RAB40C: variants seen among roughly 807,000 people sequenced by gnomAD.
RAB40C encodes the protein RAB40C, member RAS oncogene family.
A neutral mutation model predicts 28.1 loss-of-function variants in RAB40C; 8 were observed. The observed-to-expected ratio is 0.28, with a 90% CI of 0.17 to 0.51. RAB40C has a LOEUF of 0.51. RAB40C is among the 20% of genes least tolerant of loss of function. The pLI is 0.97. For synonymous variants in RAB40C, 201 were observed against 171.7 expected (o/e 1.17, Z -1.34); for missense variants, 288 against 405.9 (o/e 0.71, Z 2.50).
At chr16:624,231 G>A (rs2036780555) in intron 3 of RAB40C, 2 of 985,402 alleles carry the variant, frequency 2.0e-6, no homozygotes, top group Admixed American at 6.1e-5. Context: ...GGGAGAGTGG[G>A]CTGTGTTGTA....
At position 628,034 on chromosome 16, in the gene RAB40C, C is replaced by T. The variant is rs934927015; in HGVS notation, c.*412C>T. 4.6e-5 allele frequency: 8 copies of T among 174,080 alleles called. No homozygotes were observed. The highest frequency in any genetic ancestry group is 1.2e-4 in the Admixed American group (2 of 16,082). 10.8% of individuals were successfully genotyped at this position (174,080 alleles called of 1,614,324 possible). On this transcript the variant is annotated 3_prime_UTR_variant, in exon 6 of 6. Coordinates refer to ENST00000248139, the MANE Select transcript of RAB40C (RefSeq NM_021168.5). ...TTCATGGCCACGCCAGCTGCGGGGA[C>T]GCACTTGGGACTCCTCGAGAGGGGA...
intron 5 of RAB40C, among the ~76,000 whole-genome samples, chr16:626,878 C>T (rs2036848231): frequency 6.6e-6 from 1 of 152,226 alleles, no homozygotes; most frequent in South Asian, 2.1e-4. Flanking sequence ...GCGGAGGTTG[C>T]AGTGAGCGGA....
intron 1 of RAB40C, among the ~76,000 whole-genome samples, chr16:604,064 T>TC (rs2036308484): frequency 6.6e-6 from 1 of 150,422 alleles, no homozygotes; most frequent in African/African-American, 2.4e-5. Context: ...TCTTTTTCTT[T>TC]TTTTTTTTTT....
intron 3 of RAB40C, chr16:624,758 T>C: frequency 1.0e-6 from 1 of 985,430 alleles, no homozygotes; most frequent in Non-Finnish European, 1.2e-6. Context: ...GGAATGGGCC[T>C]GTGATGTCAC....
In RAB40C at chr16:618,251, G is replaced by A; in HGVS notation, c.255G>A (p.Arg85=). ...GCACCATCTTCAGGTCCTACTCCAG[G>A]GGCGCTCAGGTAAGACCAGCACCGC... is the stretch of plus-strand genomic sequence containing the variant. ...RFCTIFRSYS[R]GAQGILLVYD... Residue 85 remains arginine, a synonymous_variant, in exon 3 of 6, where the codon AGG becomes AGA. Transcript: ENST00000248139. 1 of 1,613,340 alleles carries A rather than the reference G, an allele frequency of 6.2e-7. No individual in the cohort carries two copies. Among genetic ancestry groups the A allele is most frequent in the Non-Finnish European group, 8.5e-7 (1 of 1,179,794 alleles).
intron 1 of RAB40C, among the ~76,000 whole-genome samples, chr16:616,381 C>T (rs1009962651): frequency 1.7e-4 from 21 of 122,842 alleles, no homozygotes; most frequent in South Asian, 8.3e-4. Context: ...TACTGTCACC[C>T]AGGCAGGAGT....
chr16:618,177 C>T, intron 2 of RAB40C, 23 bp from the exon 3 acceptor site: 1 of 1,609,570 alleles, frequency 6.2e-7, no homozygotes, highest in Non-Finnish European at 8.5e-7. Context: ...AGTCCCGGCC[C>T]CTCCCCTCCC....
At chr16:618,734 G>T (rs370219696) in intron 3 of RAB40C, among the ~76,000 whole-genome samples, 1,959 of 121,624 alleles carry the variant, frequency 0.016, no homozygotes, top group East Asian at 0.027. Flanking sequence ...GTGCAGGCAT[G>T]TGCACAGGTC....
chr16:589,834 C>T (rs1273184719), upstream of RAB40C: 1 of 151,954 alleles, frequency 6.6e-6, no homozygotes, highest in Non-Finnish European at 1.5e-5. Context: ...GAGGGGCGGT[C>T]ATGACAGACG....
At chr16:594,677 A>C (rs1005217273) in intron 1 of RAB40C, among the ~76,000 whole-genome samples, 1 of 151,814 alleles carries the variant, frequency 6.6e-6, no homozygotes, top group Non-Finnish European at 1.5e-5. Context: ...GTTTCGTGGG[A>C]GGTTCTAGCT....
chr16:591,256 T>C (rs538405808), intron 1 of RAB40C, among the ~76,000 whole-genome samples: 184 of 130,342 alleles, frequency 1.4e-3, no homozygotes, highest in Admixed American at 8.1e-3. Flanking sequence ...ATCTGGGGTC[T>C]GAGGGAAGGT....
At chr16:624,882 C>G in intron 3 of RAB40C, 1 of 985,472 alleles carries the variant, frequency 1.0e-6, no homozygotes, top group Non-Finnish European at 1.2e-6. Context: ...CAGAGCTGAG[C>G]TCCAAGTAAT....
At chr16:598,386 A>T (rs1480405728) in intron 1 of RAB40C, among the ~76,000 whole-genome samples, 1 of 151,058 alleles carries the variant, frequency 6.6e-6, no homozygotes, top group Non-Finnish European at 1.5e-5. Flanking sequence ...CAAAAAAAAA[A>T]AAAAATACAA....
intron 3 of RAB40C, chr16:625,018 C>G (rs1456528935): frequency 6.2e-6 from 8 of 1,290,840 alleles, no homozygotes; most frequent in Non-Finnish European, 5.1e-6. Context: ...TTGGAAAACT[C>G]AGAAATGCCC....
At chr16:627,279 G>T (rs2036857628) in intron 5 of RAB40C, 63 bp from the exon 6 acceptor site, 2 of 1,509,654 alleles carry the variant, frequency 1.3e-6, no homozygotes, top group East Asian at 4.5e-5. Flanking sequence ...GGCACCTCAG[G>T]TCTCCCTGCA....
intron 1 of RAB40C, among the ~76,000 whole-genome samples, chr16:596,695 A>AAGGC (rs2036132694): frequency 6.6e-6 from 1 of 152,134 alleles, no homozygotes; most frequent in Non-Finnish European, 1.5e-5. Context: ...AGAAGTTACG[A>AAGGC]AGGCGGTGGG....
rs1476092881 is a variant in RAB40C, at chr16:610,594, C to A, written c.143-6614C>A. Among the ~76,000 whole-genome samples the A allele has an allele frequency of 6.6e-6, 1 of 152,220 alleles. No individual in the cohort carries two copies. Among genetic ancestry groups the A allele is most frequent in the Non-Finnish European group, 1.5e-5 (1 of 68,040 alleles). On this transcript the variant is annotated intron_variant, in intron 1 of 5. Coordinates refer to ENST00000248139, the MANE Select transcript of RAB40C (RefSeq NM_021168.5). This position sits in a 1 kb window ranked among gnomAD's most constrained non-coding sequence, Gnocchi z 4.6. ...AGCACACCAAGAGAATATGTCACAG[C>A]TGATGCCTAGGGACCCCCTTATGGG... is the stretch of plus-strand genomic sequence containing the variant.
At chr16:599,048 C>G (rs1186393956) in intron 1 of RAB40C, among the ~76,000 whole-genome samples, 2 of 152,234 alleles carry the variant, frequency 1.3e-5, no homozygotes, top group African/African-American at 4.8e-5. Context: ...TGTGTCAGAC[C>G]TAGCTGGGAG....
At position 628,794 on chromosome 16, in the gene RAB40C, C is replaced by T. The variant is rs1430544816; in HGVS notation, c.*1172C>T. The stretch of plus-strand genomic sequence containing the variant: ...CCTGGGCCTGCCCACAGCACTGGTG[C>T]TCACCTCTACCTCCTGTCCTCAGGC... On this transcript the variant is annotated 3_prime_UTR_variant, in exon 6 of 6. Coordinates refer to ENST00000248139, the MANE Select transcript of RAB40C (RefSeq NM_021168.5). 1 of 152,972 alleles carries T rather than the reference C, an allele frequency of 6.5e-6. No individual in the cohort carries two copies. The highest frequency in any genetic ancestry group is 1.5e-5 in the Non-Finnish European group (1 of 68,316). 9.5% of individuals were successfully genotyped at this position (152,972 alleles called of 1,614,324 possible).
Sources: allele counts gnomAD v4.1 joint callset (sites outside exome capture counted in the v4.1 genomes callset), GRCh38; gene constraint gnomAD v4.1.1; non-coding constraint Gnocchi (gnomAD v3.1); transcripts MANE v1.5; gene names NCBI Gene and HGNC (gene_info 2026-07-23, HGNC 2026-07-21).